HDAC4: variants seen among roughly 807,000 people sequenced by gnomAD.
HDAC4 encodes histone deacetylase 4.
A neutral mutation model predicts 135.1 loss-of-function variants in HDAC4; 16 were observed. The ratio of observed to expected loss-of-function variants is 0.12; its 90% confidence interval spans 0.08 to 0.18. The LOEUF is 0.18. Among genes scored for constraint, HDAC4 ranks in the 10% least tolerant of loss-of-function variants. HDAC4 has a pLI of 1.00. For missense variants in HDAC4, 1,143 were observed against 1,511.8 expected (o/e 0.76, Z 4.05); for synonymous variants, 685 against 653.4 (o/e 1.05, Z -0.74).
chr2:239,069,858 T>C (rs910564276), intron 22 of HDAC4, among the ~76,000 whole-genome samples: 1 of 152,144 alleles, frequency 6.6e-6, no homozygotes, highest in African/African-American at 2.4e-5. Flanking sequence ...AGAGCATTGC[T>C]GTTTCTTGGT....
chr2:239,261,673 C>A, intron 2 of HDAC4, among the ~76,000 whole-genome samples: 1 of 152,194 alleles, frequency 6.6e-6, no homozygotes, highest in Non-Finnish European at 1.5e-5. Context: ...GGTCTCCCTG[C>A]TGAAGAAAAG....
Position 239,083,027 on chromosome 2 carries a change from A to G in HDAC4, c.2533-806T>C, listed in dbSNP as rs144550737. Reference sequence around the variant, plus strand: ...TCACAGAAAAGGCGGAAGGGCAGCTACAGGTGAGGAGCGATGGACAAGAAC... The same window carrying G: ...TCACAGAAAAGGCGGAAGGGCAGCTGCAGGTGAGGAGCGATGGACAAGAAC... On this transcript the variant is annotated intron_variant, in intron 20 of 26. Transcript: ENST00000543185. 4.9e-4 allele frequency among the ~76,000 whole-genome samples: 74 copies of G among 152,378 alleles called. 2 individuals are homozygous for G. In the East Asian group the frequency reaches 8.3e-3, roughly 17 times the overall value.
Position 239,048,833 on chromosome 2 carries a change from CT to C in HDAC4, c.*4263del, listed in dbSNP as rs1344954970. On this transcript the variant is annotated 3_prime_UTR_variant, in exon 27 of 27. Transcript: ENST00000543185. ...ACCACAGTGCTCGCACAGTTCACGA[CT>C]GCTTAAAGTGAAATCTTAGCCATAC... is the stretch of plus-strand genomic sequence containing the variant. The C allele has an allele frequency of 6.6e-6, 1 of 152,228 alleles. No individual in the cohort carries two copies. The highest frequency in any genetic ancestry group is 1.5e-5 in the Non-Finnish European group (1 of 68,042). The allele number at this position is 152,228 out of a possible 1,614,324, so 9.4% of individuals were successfully genotyped here. A position where few individuals can be genotyped will look rare whatever the true frequency, so the allele number is the denominator to read the frequency against.
At position 239,353,377 on chromosome 2, in the gene HDAC4, T is replaced by A. The variant is rs563107708; in HGVS notation, c.-219-459A>T. On this transcript the variant is annotated intron_variant, in intron 1 of 26. Transcript: ENST00000543185. Reference sequence around the variant, plus strand: ...TAGAACAGTTCGACGGAATCATTTCTACAAATACGAGCAGTGGGATTTTTG... The same window carrying A: ...TAGAACAGTTCGACGGAATCATTTCAACAAATACGAGCAGTGGGATTTTTG... 1.2e-4 allele frequency among the ~76,000 whole-genome samples: 19 copies of A among 152,356 alleles called. No individual in the cohort carries two copies. In the South Asian group the frequency reaches 3.9e-3, roughly 32 times the overall value.
chr2:239,212,807 G>A (rs889147164), intron 3 of HDAC4, among the ~76,000 whole-genome samples: 2 of 152,214 alleles, frequency 1.3e-5, no homozygotes, highest in Non-Finnish European at 2.9e-5. Context: ...GGACCACCAG[G>A]AAGTGATCAG....
intron 1 of HDAC4, among the ~76,000 whole-genome samples, chr2:239,358,492 C>T (rs548257669): frequency 2.0e-5 from 3 of 152,320 alleles, no homozygotes; most frequent in South Asian, 4.1e-4. Context: ...CTCCAGGGAA[C>T]CCTGGATCCA....
chr2:239,170,101 G>C (rs781521750), intron 5 of HDAC4, among the ~76,000 whole-genome samples: 12 of 152,178 alleles, frequency 7.9e-5, no homozygotes, highest in Non-Finnish European at 1.3e-4. Context: ...AAAAGTGTTA[G>C]TTTTATGGAC....
chr2:239,208,631 G>A (rs1289190396), intron 3 of HDAC4, among the ~76,000 whole-genome samples: 1 of 152,072 alleles, frequency 6.6e-6, no homozygotes, highest in Non-Finnish European at 1.5e-5. Flanking sequence ...CAGACTCCAA[G>A]GCTACAGATA....
chr2:239,188,591 T>C (rs1429894771), intron 4 of HDAC4, among the ~76,000 whole-genome samples: 1 of 152,224 alleles, frequency 6.6e-6, no homozygotes, highest in East Asian at 1.9e-4. Context: ...ATCTGTGCTG[T>C]CCAACAGTTG....
chr2:239,115,411 A>G lies in HDAC4; in HGVS notation c.1534-101T>C. 2 of 1,458,048 alleles carry G rather than the reference A, an allele frequency of 1.4e-6. No individual in the cohort carries two copies. The highest frequency in any genetic ancestry group is 2.3e-5 in the East Asian group (1 of 43,542). The allele number at this position is 1,458,048 out of a possible 1,614,324, so 90.3% of individuals were successfully genotyped here. A position where few individuals can be genotyped will look rare whatever the true frequency, so the allele number is the denominator to read the frequency against. On this transcript the variant is annotated intron_variant, in intron 12 of 26. Coordinates refer to ENST00000543185, the MANE Select transcript of HDAC4 (RefSeq NM_001378414.1). This position sits in a 1 kb window ranked among gnomAD's most constrained non-coding sequence, Gnocchi z 6.3. ...CAAACCCCACCCTCTGGGGCAGACA[A>G]TCAGGGACTCAGGGCACCTTATCAC...
At chr2:239,129,024 C>A (rs532457084) in intron 11 of HDAC4, among the ~76,000 whole-genome samples, 1 of 152,218 alleles carries the variant, frequency 6.6e-6, no homozygotes, top group Non-Finnish European at 1.5e-5. Context: ...CAAGCCTACG[C>A]CCCATTGGAA....
chr2:239,123,547 T>C (rs2039878585), intron 12 of HDAC4, among the ~76,000 whole-genome samples: 1 of 152,214 alleles, frequency 6.6e-6, no homozygotes, highest in Admixed American at 6.5e-5. Flanking sequence ...TGCAGCCCCA[T>C]GATGGCTCAC....
chr2:239,056,204 A>T (rs1005981250), intron 24 of HDAC4, among the ~76,000 whole-genome samples: 1 of 152,222 alleles, frequency 6.6e-6, no homozygotes, highest in African/African-American at 2.4e-5. Flanking sequence ...TCCAGGAAGC[A>T]TGAGTTCCCA....
chr2:239,396,964 TG>T (rs1360353681), intron 1 of HDAC4, among the ~76,000 whole-genome samples: 2 of 152,192 alleles, frequency 1.3e-5, no homozygotes, highest in Non-Finnish European at 2.9e-5. Context: ...GAGAAGAACA[TG>T]ATGTCTTCTA....
At position 239,243,442 on chromosome 2, in the gene HDAC4, G is replaced by A. The variant is rs1314827295; in HGVS notation, c.23-6778C>T. ...GCTGGGATTACAGGCGTGAGCCACC[G>A]CTCCCGGCTGGATAAATTAACATTC... is the stretch of plus-strand genomic sequence containing the variant. On this transcript the variant is annotated intron_variant, in intron 2 of 26. Transcript: ENST00000543185. Among the ~76,000 whole-genome samples the A allele has an allele frequency of 3.9e-5, 6 of 152,242 alleles. No individual in the cohort carries two copies. The East Asian group carries it at 7.7e-4, about 20-fold the overall frequency.
chr2:239,284,483 T>C (rs2051018684), intron 2 of HDAC4, among the ~76,000 whole-genome samples: 1 of 152,192 alleles, frequency 6.6e-6, no homozygotes, highest in Non-Finnish European at 1.5e-5. Context: ...AGGTGCATTG[T>C]GGCCCTCGTA....
At chr2:239,198,173 CTGTT>C (rs2045526683) in intron 3 of HDAC4, among the ~76,000 whole-genome samples, 1 of 152,142 alleles carries the variant, frequency 6.6e-6, no homozygotes, top group African/African-American at 2.4e-5. Flanking sequence ...TGTGGAGTCT[CTGTT>C]TGCTCTCCAC....
intron 2 of HDAC4, among the ~76,000 whole-genome samples, chr2:239,255,295 C>CTGTGTGTGTGTGTGTG (rs60768204): frequency 3.3e-5 from 5 of 149,594 alleles, no homozygotes; most frequent in African/African-American, 1.2e-4. Context: ...TGTTTTCTCA[C>CTGTGTGTGTGTGTGTG]TGTGTGTGTG....
chr2:239,238,638 G>A (rs1421914544), intron 2 of HDAC4, among the ~76,000 whole-genome samples: 1 of 152,214 alleles, frequency 6.6e-6, no homozygotes, highest in Non-Finnish European at 1.5e-5. Flanking sequence ...CTCACATGAA[G>A]CCCTTTCTTG....
Sources: allele counts gnomAD v4.1 joint callset (sites outside exome capture counted in the v4.1 genomes callset), GRCh38; gene constraint gnomAD v4.1.1; non-coding constraint Gnocchi (gnomAD v3.1); transcripts MANE v1.5; gene names NCBI Gene and HGNC (gene_info 2026-07-23, HGNC 2026-07-21).